GEN1: variants seen among roughly 807,000 people sequenced by gnomAD.
GEN1 encodes the protein flap endonuclease GEN homolog 1.
Under a neutral mutation model 67.6 loss-of-function variants are expected in GEN1, and 64 were observed. The ratio of observed to expected loss-of-function variants is 0.95; its 90% CI spans 0.77 to 1.17. The LOEUF is 1.17. Ranked by LOEUF, GEN1 falls within the 50% of genes most tolerant of loss-of-function variation. The pLI is 0.00. For missense variants in GEN1, 1,058 were observed against 1,048.3 expected, an observed-to-expected ratio of 1.01 and a Z score of -0.13; for synonymous variants, 371 against 359.4, an observed-to-expected ratio of 1.03 and a Z score of -0.37.
At chr2:17,753,385 G>C (rs564291112), upstream of GEN1, among the ~76,000 whole-genome samples, 49 of 152,342 alleles carry the variant, frequency 3.2e-4, no homozygotes, top group African/African-American at 9.9e-4. Flanking sequence ...GCAGACGCCA[G>C]GTTTCCCGCG....
intron 1 of GEN1, among the ~76,000 whole-genome samples, chr2:17,756,455 T>C (rs1024470095): frequency 3.3e-5 from 5 of 152,218 alleles, no homozygotes; most frequent in South Asian, 2.1e-4. Flanking sequence ...TTGACATCAA[T>C]ATACTTATTC....
In GEN1 at chr2:17,772,755, A is replaced by G. The variant is rs1238565735; in HGVS notation, c.924A>G (p.Gln308=). 2 of 1,610,870 alleles carry G rather than the reference A, an allele frequency of 1.2e-6. No homozygotes were observed. Among genetic ancestry groups the G allele is most frequent in the Admixed American group, 1.7e-5 (1 of 59,368 alleles). Residue 308 remains glutamine (Q), a synonymous_variant, in exon 8 of 14, where the codon CAA becomes CAG. Coordinates refer to ENST00000381254, the MANE Select transcript of GEN1 (RefSeq NM_001130009.3). The part of the protein sequence containing the change: ...CEWHRTEHDR[Q]LSEVENNIKK... Reference sequence around the variant, plus strand: ...GGCACCGTACAGAACATGATAGGCAACTCAGTGAAGTAGAGAACAATATTA... The same window carrying G: ...GGCACCGTACAGAACATGATAGGCAGCTCAGTGAAGTAGAGAACAATATTA...
At chr2:17,763,775 G>A (rs869312590) in intron 3 of GEN1, among the ~76,000 whole-genome samples, 4 of 152,222 alleles carry the variant, frequency 2.6e-5, no homozygotes, top group Non-Finnish European at 5.9e-5. Context: ...TCACAAAACT[G>A]TCTCTCTAAA....
At chr2:17,778,377 C>CAT (rs70964011) in intron 12 of GEN1, among the ~76,000 whole-genome samples, 1 of 21,180 alleles carries the variant, frequency 4.7e-5, no homozygotes, top group African/African-American at 1.3e-4. Flanking sequence ...TATACACACA[C>CAT]ATATATGTGT....
Position 17,785,394 on chromosome 2 carries a change from T to A in GEN1, c.*3455T>A, listed in dbSNP as rs999910140. On this transcript the variant is annotated 3_prime_UTR_variant, in exon 14 of 14. Coordinates refer to ENST00000381254, the MANE Select transcript of GEN1 (RefSeq NM_001130009.3). ...ATCTTTTAAGTTGCTGCTTACGTATTTGCTCATCACTTCATTGTCTTGTTG... is the reference window on the plus strand; with the variant it reads ...ATCTTTTAAGTTGCTGCTTACGTATATGCTCATCACTTCATTGTCTTGTTG... The A allele has an allele frequency of 6.6e-6, 1 of 152,210 alleles. No individual in the cohort carries two copies. Among genetic ancestry groups the A allele is most frequent in the Non-Finnish European group, 1.5e-5 (1 of 68,048 alleles). The allele number at this position is 152,210 out of a possible 1,614,324, so 9.4% of individuals were successfully genotyped here.
chr2:17,761,554 G>C lies in GEN1; in HGVS notation c.320G>C (p.Arg107Thr). 3 of 1,610,332 alleles carry C rather than the reference G, an allele frequency of 1.9e-6. No individual in the cohort carries two copies. The highest frequency in any genetic ancestry group is 2.5e-6 in the Non-Finnish European group (3 of 1,178,926). The change falls in exon 3 of 14, where the codon AGA (arginine) becomes ACA (threonine). Residue 107 changes from arginine (R) to threonine (T), a missense_variant. By Grantham distance (71) the Arg-to-Thr change is moderately conservative. Coordinates refer to ENST00000381254, the MANE Select transcript of GEN1 (RefSeq NM_001130009.3). ...AAATCGTGGTCTCAGAAAACAGGGA[G>C]ATCACATTTTAAATCAGTCTTAAGA... ...SGKSWSQKTG[R>T]SHFKSVLREC... is the part of the protein sequence containing the mutation.
At chr2:17,776,115 CAAAA>C (rs34705905) in intron 11 of GEN1, among the ~76,000 whole-genome samples, 1 of 80,690 alleles carries the variant, frequency 1.2e-5, no homozygotes, top group Non-Finnish European at 2.5e-5. Flanking sequence ...GACCCTGTCT[CAAAA>C]AAAAAAAAAA....
rs940282518 is a variant in GEN1, at chr2:17,782,637, G to A, written c.*698G>A. ...CAAAGTAACTCCTTATGTATCCCCA[G>A]AAGTTCACAGGTATATCGGGTGGAA... On this transcript the variant is annotated 3_prime_UTR_variant, in exon 14 of 14. Coordinates refer to ENST00000381254, the MANE Select transcript of GEN1 (RefSeq NM_001130009.3). 2 of 152,146 alleles carry A rather than the reference G, an allele frequency of 1.3e-5. No individual in the cohort carries two copies. The allele number at this position is 152,146 out of a possible 1,614,324, so 9.4% of individuals were successfully genotyped here.
intron 12 of GEN1, among the ~76,000 whole-genome samples, chr2:17,778,446 ATATG>A (rs1188258031): frequency 1.1e-4 from 3 of 26,314 alleles, no homozygotes; most frequent in African/African-American, 2.8e-4. Flanking sequence ...ACACACACAT[ATATG>A]TGTGTACATA....
At chr2:17,763,482 A>AGT (rs1228548623) in intron 3 of GEN1, among the ~76,000 whole-genome samples, 5 of 152,148 alleles carry the variant, frequency 3.3e-5, no homozygotes, top group Non-Finnish European at 5.9e-5. Context: ...ATTGCCTGTT[A>AGT]GTCATTTTTA....
At position 17,788,371 on chromosome 2, in the gene GEN1, T is replaced by C. The variant is rs1046215832; in HGVS notation, c.*6432T>C. ...TCCAAAACAGTGGGACTCTTTTTGA[T>C]GATTTCAAAATGGATAGTTTAGTTA... On this transcript the variant is annotated 3_prime_UTR_variant, in exon 14 of 14. Coordinates refer to ENST00000381254, the MANE Select transcript of GEN1 (RefSeq NM_001130009.3). The C allele has an allele frequency of 7.9e-5, 12 of 152,236 alleles. No homozygotes were observed. Among genetic ancestry groups the C allele is most frequent in the African/African-American group, 2.9e-4 (12 of 41,464 alleles). The allele number at this position is 152,236 out of a possible 1,614,324, so 9.4% of individuals were successfully genotyped here. A position where few individuals can be genotyped will look rare whatever the true frequency, so the allele number is the denominator to read the frequency against.
chr2:17,778,702 G>T (rs1672676202), intron 12 of GEN1, among the ~76,000 whole-genome samples: 1 of 151,478 alleles, frequency 6.6e-6, no homozygotes. Context: ...AAATGCTGTG[G>T]TCATTCAATG....
At chr2:17,769,724 A>G (rs1240831963) in intron 6 of GEN1, among the ~76,000 whole-genome samples, 3 of 152,206 alleles carry the variant, frequency 2.0e-5, no homozygotes, top group Non-Finnish European at 4.4e-5. Flanking sequence ...TGCAGATTAT[A>G]TAGAAGTTAA....
chr2:17,780,199 G>C (rs2125175443), intron 13 of GEN1, 78 bp downstream of exon 13: 1 of 1,144,354 alleles, frequency 8.7e-7, no homozygotes, highest in Non-Finnish European at 1.3e-6. Context: ...TGAATCTGCT[G>C]TGTCTAAATT....
intron 4 of GEN1, among the ~76,000 whole-genome samples, chr2:17,766,130 CA>C (rs1487090222): frequency 1.3e-5 from 2 of 152,070 alleles, no homozygotes; most frequent in Non-Finnish European, 2.9e-5. Flanking sequence ...TTCTGCTGAT[CA>C]GGATAATTTT....
At chr2:17,778,138 G>GTATATA (rs10535305) in intron 12 of GEN1, 75 bp downstream of exon 12, 14 of 541,314 alleles carry the variant, frequency 2.6e-5, no homozygotes, top group African/African-American at 4.7e-5. Flanking sequence ...TTGTATATGT[G>GTATATA]TATATATATA....
At chr2:17,777,558 A>G (rs1672493464) in intron 11 of GEN1, among the ~76,000 whole-genome samples, 1 of 152,196 alleles carries the variant, frequency 6.6e-6, no homozygotes, top group Non-Finnish European at 1.5e-5. Context: ...GTAATCACCA[A>G]AAATGTAAGC....
At chr2:17,779,949 G>T (rs1672746652) in intron 12 of GEN1, 29 bp from the exon 13 acceptor site, 2 of 1,572,032 alleles carry the variant, frequency 1.3e-6, no homozygotes, top group South Asian at 1.1e-5. Context: ...CCTAATTAAG[G>T]ACACTTTGCT....
intron 11 of GEN1, 48 bp from the exon 12 acceptor site, chr2:17,777,954 C>A: frequency 9.2e-7 from 1 of 1,084,324 alleles, no homozygotes; most frequent in Non-Finnish European, 1.4e-6. Context: ...TGGAAAATTT[C>A]CAAATATCTT....
Sources: gnomAD v4.1 joint callset for allele counts (sites outside exome capture counted in the v4.1 genomes callset) on GRCh38, gnomAD v4.1.1 for gene constraint, MANE v1.5 for transcripts, NCBI Gene and HGNC (gene_info 2026-07-23, HGNC 2026-07-21) for gene names.